DDC: variants seen among roughly 807,000 people sequenced by gnomAD.
The protein encoded by DDC is dopa decarboxylase.
Under a neutral mutation model 60.0 loss-of-function variants are expected in DDC, and 43 were observed. The observed-to-expected ratio is 0.72, with a 90% CI of 0.56 to 0.92. The LOEUF (loss-of-function observed/expected upper bound fraction) is 0.92, where lower values mean the gene tolerates loss of function less well. Among genes scored for constraint, DDC ranks in the 40% least tolerant of loss-of-function variants. The pLI is 0.00. For missense variants in DDC, 573 were observed against 620.2 expected (o/e 0.92, Z 0.81); for synonymous variants, 232 against 234.6 (o/e 0.99, Z 0.10).
chr7:50,550,633 T>C (rs372838141), intron 1 of DDC, among the ~76,000 whole-genome samples: 2 of 152,250 alleles, frequency 1.3e-5, no homozygotes, highest in Non-Finnish European at 1.5e-5. Context: ...AAGAAGTACA[T>C]TAGTTCCATC....
intron 2 of DDC, 35 bp downstream of exon 2, chr7:50,543,850 G>C: frequency 6.3e-7 from 1 of 1,595,106 alleles, no homozygotes; most frequent in Non-Finnish European, 8.6e-7. Context: ...GTGAGTTCTA[G>C]CCCTCCTGTT....
chr7:50,514,651 G>A (rs2043679102), intron 6 of DDC, among the ~76,000 whole-genome samples: 1 of 152,118 alleles, frequency 6.6e-6, no homozygotes, highest in South Asian at 2.1e-4. Context: ...CAAAACTTCA[G>A]GAAACTTTGG....
At chr7:50,557,433 G>C (rs1261705281) in intron 1 of DDC, among the ~76,000 whole-genome samples, 2 of 152,210 alleles carry the variant, frequency 1.3e-5, no homozygotes, top group African/African-American at 4.8e-5. Context: ...AGAATGCCAA[G>C]GACATGAAAC....
At chr7:50,507,039 T>C (rs1424900279) in intron 6 of DDC, among the ~76,000 whole-genome samples, 1 of 152,256 alleles carries the variant, frequency 6.6e-6, no homozygotes, top group East Asian at 1.9e-4. Flanking sequence ...GGCTACTCAG[T>C]TTGTAGAGCA....
intron 6 of DDC, among the ~76,000 whole-genome samples, chr7:50,523,866 C>T (rs77651890): frequency 0.018 from 2,700 of 152,336 alleles, 159 homozygotes; most frequent in Admixed American, 0.11. Context: ...AAAACCTGCA[C>T]ACAAATGCTT....
intron 1 of DDC, among the ~76,000 whole-genome samples, chr7:50,557,954 T>C (rs7779110): frequency 0.23 from 34,958 of 152,046 alleles, 4,205 homozygotes; most frequent in East Asian, 0.41. Context: ...ATTCAAATTT[T>C]ATTATTTTCA....
intron 7 of DDC, among the ~76,000 whole-genome samples, chr7:50,502,020 G>C (rs1161381273): frequency 1.3e-5 from 2 of 152,138 alleles, no homozygotes; most frequent in African/African-American, 4.8e-5. Context: ...GTTGCAGTGA[G>C]CTGAGATTGT....
In DDC at chr7:50,544,133, C is replaced by T; in HGVS notation, c.-28-20G>A. The T allele has an allele frequency of 6.3e-7, 1 of 1,595,488 alleles. No individual in the cohort carries two copies. The highest frequency in any genetic ancestry group is 8.6e-7 in the Non-Finnish European group (1 of 1,163,484). On this transcript the variant is annotated intron_variant, in intron 1 of 14. Transcript: ENST00000444124. ...TGAAAACTGCAGAAAGAAAATGATT[C>T]AGTGAGCAAATTTTGCAACCTCTGA...
chr7:50,524,855 C>T (rs1319978009), intron 6 of DDC, among the ~76,000 whole-genome samples: 1 of 152,162 alleles, frequency 6.6e-6, no homozygotes, highest in Non-Finnish European at 1.5e-5. Flanking sequence ...AAGTATATGT[C>T]CACCCAAACA....
At chr7:50,480,563 G>A (rs554614591) in intron 9 of DDC, among the ~76,000 whole-genome samples, 83 of 152,336 alleles carry the variant, frequency 5.4e-4, no homozygotes, top group South Asian at 3.5e-3. Flanking sequence ...GGCATTTGAA[G>A]TGGGGGCCGG....
chr7:50,532,829 G>C (rs1023885502), intron 4 of DDC, among the ~76,000 whole-genome samples: 3 of 152,162 alleles, frequency 2.0e-5, no homozygotes, highest in African/African-American at 7.2e-5. Context: ...AAGATGCAAT[G>C]ACCTAGAAAT....
rs2045402895 is a variant in DDC, at chr7:50,565,316, CT to C, written c.-61del. On this transcript the variant is annotated 5_prime_UTR_variant, in exon 1 of 15. The change creates a premature stop within an existing upstream ORF in the 5' untranslated region. Coordinates refer to ENST00000444124, the MANE Select transcript of DDC (RefSeq NM_001082971.2). Reference sequence around the variant, plus strand: ...GAAATTCGAATTCCTTACAGGGCTACTCTCCTTGATGGGATTCTCCAACTTT... The same window carrying C: ...GAAATTCGAATTCCTTACAGGGCTACCTCCTTGATGGGATTCTCCAACTTT... The C allele has an allele frequency of 6.6e-6, 1 of 152,244 alleles. No homozygotes were observed. Among genetic ancestry groups the C allele is most frequent in the Non-Finnish European group, 1.5e-5 (1 of 68,056 alleles). The allele number at this position is 152,244 out of a possible 1,614,324, so 9.4% of individuals were successfully genotyped here.
At chr7:50,471,918 C>G (rs574941561) in intron 11 of DDC, among the ~76,000 whole-genome samples, 1 of 152,180 alleles carries the variant, frequency 6.6e-6, no homozygotes, top group Non-Finnish European at 1.5e-5. Context: ...AATCATTCCT[C>G]GACTGGTCAA....
At chr7:50,488,874 G>A (rs4948201) in intron 9 of DDC, among the ~76,000 whole-genome samples, 2,937 of 152,186 alleles carry the variant, frequency 0.019, 170 homozygotes, top group Admixed American at 0.12. Flanking sequence ...AAGAGGGCCC[G>A]AGATAGTAAC....
Position 50,544,749 on chromosome 7 carries a change from C to T in DDC, c.-28-636G>A, listed in dbSNP as rs11575284. 1.8e-3 allele frequency among the ~76,000 whole-genome samples: 278 copies of T among 152,296 alleles called. 3 individuals carry two copies. In the East Asian group the frequency reaches 0.046, roughly 25 times the overall value. On this transcript the variant is annotated intron_variant, in intron 1 of 14. Transcript: ENST00000444124. ...TCTCATTATTGCTGGTAGCTGTGTT[C>T]TATCTACAACAGTTGCCATGGCCAT...
chr7:50,488,574 C>T (rs1381319922), intron 9 of DDC, among the ~76,000 whole-genome samples: 1 of 151,776 alleles, frequency 6.6e-6, no homozygotes, highest in African/African-American at 2.4e-5. Context: ...TCCAAGTATT[C>T]AGTAAATGGT....
intron 4 of DDC, among the ~76,000 whole-genome samples, chr7:50,536,811 T>G (rs890002506): frequency 6.6e-6 from 1 of 152,274 alleles, no homozygotes; most frequent in Non-Finnish European, 1.5e-5. Flanking sequence ...ACTGGCCATG[T>G]GCTCTGCACA....
At chr7:50,546,727 C>A (rs2044818998) in intron 1 of DDC, among the ~76,000 whole-genome samples, 1 of 152,182 alleles carries the variant, frequency 6.6e-6, no homozygotes, top group African/African-American at 2.4e-5. Context: ...TTATTAGATC[C>A]AGCCCCCATG....
At chr7:50,479,326 C>T (rs2042715759) in intron 10 of DDC, among the ~76,000 whole-genome samples, 1 of 152,244 alleles carries the variant, frequency 6.6e-6, no homozygotes, top group East Asian at 1.9e-4. Context: ...GTGTGCTGAT[C>T]TGAGCCTTGG....
Sources: gnomAD v4.1 joint callset for allele counts (sites outside exome capture counted in the v4.1 genomes callset) on GRCh38, gnomAD v4.1.1 for gene constraint, MANE v1.5 for transcripts, NCBI Gene and HGNC (gene_info 2026-07-23, HGNC 2026-07-21) for gene names.